The following UBE4B variants were observed in gnomAD, a reference collection of about 807,000 sequenced individuals.
UBE4B encodes ubiquitination factor E4B, also known as ubiquitin conjugation factor E4 B.
Under a neutral mutation model 148.1 loss-of-function variants are expected in UBE4B, and 27 were observed. That is an observed-to-expected ratio of 0.18 (90% CI 0.13 to 0.25). The LOEUF (loss-of-function observed/expected upper bound fraction) is 0.25, where lower values mean the gene tolerates loss of function less well. Among genes scored for constraint, UBE4B ranks in the 10% least tolerant of loss-of-function variants. The pLI is 1.00. For synonymous variants in UBE4B, 596 were observed against 619.3 expected, an observed-to-expected ratio of 0.96 and a Z score of 0.56; for missense variants, 1,170 against 1,662.4, an observed-to-expected ratio of 0.70 and a Z score of 5.15.
At chr1:10,080,217 T>G (rs183032478) in intron 2 of UBE4B, among the ~76,000 whole-genome samples, 15 of 152,062 alleles carry the variant, frequency 9.9e-5, no homozygotes, top group Admixed American at 4.6e-4. Flanking sequence ...GTCAGGAGAT[T>G]GAGACCAGCC....
At chr1:10,170,310 A>G (rs1169037913) in intron 24 of UBE4B, among the ~76,000 whole-genome samples, 1 of 152,228 alleles carries the variant, frequency 6.6e-6, no homozygotes, top group Non-Finnish European at 1.5e-5. Context: ...CAACAGTGAA[A>G]TACAGGAGTA....
chr1:10,157,038 CAG>C (rs1316519813), intron 21 of UBE4B, among the ~76,000 whole-genome samples: 4 of 152,042 alleles, frequency 2.6e-5, no homozygotes, highest in African/African-American at 4.8e-5. Flanking sequence ...ATTTTTGAGA[CAG>C]AGTCTTGCTT....
chr1:10,145,068 G>A, intron 18 of UBE4B, 29 bp downstream of exon 18: 3 of 1,570,094 alleles, frequency 1.9e-6, no homozygotes, highest in Non-Finnish European at 2.6e-6. Flanking sequence ...AATAATTATA[G>A]ACCAGCCTCA....
intron 1 of UBE4B, among the ~76,000 whole-genome samples, chr1:10,048,980 G>C (rs1308780609): frequency 6.6e-6 from 1 of 152,218 alleles, no homozygotes; most frequent in African/African-American, 2.4e-5. Context: ...TTTCCCCAAG[G>C]GAGGAAGTAA....
At chr1:10,122,462 T>G (rs1184741663) in intron 10 of UBE4B, among the ~76,000 whole-genome samples, 1 of 152,264 alleles carries the variant, frequency 6.6e-6, no homozygotes, top group Non-Finnish European at 1.5e-5. Flanking sequence ...TAAGATTAAC[T>G]TAATGACCAT....
intron 5 of UBE4B, among the ~76,000 whole-genome samples, chr1:10,104,326 T>C (rs1294693457): frequency 6.6e-6 from 1 of 152,202 alleles, no homozygotes; most frequent in Non-Finnish European, 1.5e-5. Context: ...CCTTTTTCTT[T>C]ACAGTAGTCA....
chr1:10,097,764 C>T (rs1215874903), intron 3 of UBE4B, among the ~76,000 whole-genome samples: 5 of 151,722 alleles, frequency 3.3e-5, no homozygotes, highest in African/African-American at 4.8e-5. Flanking sequence ...GACCTGAGAT[C>T]GCACCGCTGC....
intron 25 of UBE4B, among the ~76,000 whole-genome samples, chr1:10,178,244 T>C (rs551046202): frequency 1.3e-5 from 2 of 152,104 alleles, no homozygotes; most frequent in African/African-American, 2.4e-5. Flanking sequence ...TTCTTTCTTA[T>C]AGGCTGCCAG....
chr1:10,167,433 G>A (rs1646269200), intron 23 of UBE4B, among the ~76,000 whole-genome samples: 1 of 128,730 alleles, frequency 7.8e-6, no homozygotes, highest in Non-Finnish European at 1.5e-5. Context: ...GCGAAACTCC[G>A]TCTCAAAAAA....
At chr1:10,114,559 G>T (rs887112938) in intron 7 of UBE4B, among the ~76,000 whole-genome samples, 3 of 151,914 alleles carry the variant, frequency 2.0e-5, no homozygotes, top group South Asian at 4.2e-4. Flanking sequence ...CAAAAAATTA[G>T]TTGCTATAAA....
intron 20 of UBE4B, 58 bp from the exon 21 acceptor site, chr1:10,151,268 A>G: frequency 1.3e-6 from 2 of 1,534,722 alleles, no homozygotes; most frequent in East Asian, 4.5e-5. Context: ...TTCACCCAAG[A>G]TGAGTTTCTC....
intron 10 of UBE4B, among the ~76,000 whole-genome samples, chr1:10,126,345 AGATAGAT>A (rs1417660643): frequency 1.2e-4 from 18 of 152,096 alleles, no homozygotes; most frequent in African/African-American, 4.3e-4. Context: ...ATAGATAGAT[AGATAGAT>A]AGAAAGGAGG....
rs554828195 is a variant in UBE4B, at chr1:10,175,524, G to A, written c.3526-3120G>A. Among the ~76,000 whole-genome samples the A allele has an allele frequency of 8.2e-4, 124 of 151,854 alleles. 1 individual carries two copies. The highest frequency in any genetic ancestry group is 3.4e-3 in the Middle Eastern group (1 of 292). Reference sequence around the variant, plus strand: ...AAATTAGCCAGGCGTGGTGGCGGGCGCCCGTAGACCCAGCTACTCGGGAGG... The same window carrying A: ...AAATTAGCCAGGCGTGGTGGCGGGCACCCGTAGACCCAGCTACTCGGGAGG... On this transcript the variant is annotated intron_variant, in intron 25 of 27. Transcript: ENST00000343090.
chr1:10,158,737 G>A (rs1646112888), intron 22 of UBE4B, among the ~76,000 whole-genome samples: 1 of 152,188 alleles, frequency 6.6e-6, no homozygotes, highest in Non-Finnish European at 1.5e-5. Flanking sequence ...GGCAGGGCGT[G>A]GTGGCTCACG....
intron 22 of UBE4B, among the ~76,000 whole-genome samples, chr1:10,159,209 C>A (rs1646121612): frequency 6.6e-6 from 1 of 152,098 alleles, no homozygotes; most frequent in South Asian, 2.1e-4. Context: ...AAGTATCATT[C>A]TTTGTGGTAA....
Position 10,180,092 on chromosome 1 carries a change from G to A in UBE4B, c.*136G>A. 9.7e-7 allele frequency: 1 copy of A among 1,034,610 alleles called. No homozygotes were observed. The highest frequency in any genetic ancestry group is 1.5e-5 in the South Asian group (1 of 68,798). The allele number at this position is 1,034,610 out of a possible 1,614,324, so 64.1% of individuals were successfully genotyped here. ...CCAACCCCAGGCCCACCCAGAGCGA[G>A]CAAACGCTGAGACCTGAAAGGACAT... On this transcript the variant is annotated 3_prime_UTR_variant, in exon 28 of 28. Coordinates refer to ENST00000343090, the MANE Select transcript of UBE4B (RefSeq NM_001105562.3).
At chr1:10,130,239 T>A (rs1037442287) in intron 12 of UBE4B, among the ~76,000 whole-genome samples, 1 of 151,872 alleles carries the variant, frequency 6.6e-6, no homozygotes, top group Non-Finnish European at 1.5e-5. Flanking sequence ...CACGCCCGGC[T>A]AATTTTTGTA....
intron 9 of UBE4B, among the ~76,000 whole-genome samples, chr1:10,120,335 A>G (rs1049780940): frequency 5.9e-5 from 9 of 152,056 alleles, no homozygotes; most frequent in African/African-American, 2.2e-4. Context: ...AGCCTGGCCA[A>G]CATGGCAAAA....
chr1:10,175,530 A>G (rs1445829947), intron 25 of UBE4B, among the ~76,000 whole-genome samples: 1 of 151,958 alleles, frequency 6.6e-6, no homozygotes, highest in Admixed American at 6.5e-5. Flanking sequence ...GGGCGCCCGT[A>G]GACCCAGCTA....
Sources: gnomAD v4.1 joint callset for allele counts (sites outside exome capture counted in the v4.1 genomes callset) on GRCh38, gnomAD v4.1.1 for gene constraint, MANE v1.5 for transcripts, NCBI Gene and HGNC (gene_info 2026-07-23, HGNC 2026-07-21) for gene names.